The following NOL4L variants were observed in gnomAD, a reference collection of about 807,000 sequenced individuals.
The protein encoded by NOL4L is nucleolar protein 4-like.
Under a neutral mutation model 64.5 loss-of-function variants are expected in NOL4L, and 7 were observed. That is an observed-to-expected ratio of 0.11 (90% CI 0.06 to 0.20). NOL4L has a LOEUF of 0.20. Among genes scored for constraint, NOL4L ranks in the 10% least tolerant of loss-of-function variants. The pLI is 1.00. For synonymous variants in NOL4L, 413 were observed against 401.0 expected, an observed-to-expected ratio of 1.03 and a Z score of -0.36; for missense variants, 680 against 967.1, an observed-to-expected ratio of 0.70 and a Z score of 3.94.
intron 4 of NOL4L, among the ~76,000 whole-genome samples, chr20:32,484,952 A>T (rs1166014083): frequency 6.8e-6 from 1 of 146,588 alleles, no homozygotes; most frequent in Non-Finnish European, 1.5e-5. Context: ...TTCCCACCCC[A>T]CCCCTCCAAA....
At chr20:32,561,508 G>A (rs773334995) in intron 1 of NOL4L, among the ~76,000 whole-genome samples, 10 of 152,172 alleles carry the variant, frequency 6.6e-5, no homozygotes, top group Non-Finnish European at 1.3e-4. Flanking sequence ...CCTCTGGGGG[G>A]CCCAGAGCAG....
chr20:32,534,989 G>A (rs950510954), intron 1 of NOL4L, among the ~76,000 whole-genome samples: 68 of 152,032 alleles, frequency 4.5e-4, no homozygotes, highest in African/African-American at 1.2e-3. Flanking sequence ...AAGAAGCAAG[G>A]GGGAGGAGTC....
intron 1 of NOL4L, 85 bp from the exon 2 acceptor site, chr20:32,527,998 G>T: frequency 8.6e-7 from 1 of 1,158,782 alleles, no homozygotes; most frequent in Non-Finnish European, 1.2e-6. Flanking sequence ...AAGGGGTCAG[G>T]ACGGGCAATG....
At chr20:32,465,336 G>A (rs1229670302) in intron 5 of NOL4L, among the ~76,000 whole-genome samples, 1 of 151,894 alleles carries the variant, frequency 6.6e-6, no homozygotes, top group Admixed American at 6.6e-5. Context: ...CACCCAGGCC[G>A]CCCAGTGCTC....
intron 1 of NOL4L, among the ~76,000 whole-genome samples, chr20:32,542,340 C>G (rs2018669108): frequency 6.6e-6 from 1 of 152,140 alleles, no homozygotes; most frequent in Non-Finnish European, 1.5e-5. Flanking sequence ...AGCTCAAATC[C>G]TACTCCACTT....
rs1555806421 is a variant in NOL4L, at chr20:32,541,048, C to CACA, written c.322-13136_322-13135insTGT. On this transcript the variant is annotated intron_variant, in intron 1 of 10. Transcript: ENST00000621426. ...ACACACACACACACACACACACACA[C>CACA]TATTCCCTCTGGCTAGAAGGCCCTT... Among the ~76,000 whole-genome samples the CACA allele has an allele frequency of 4.0e-5, 6 of 150,572 alleles. No homozygotes were observed. The South Asian group carries it at 6.3e-4, about 16-fold the overall frequency.
At chr20:32,477,017 G>A (rs2015437659) in intron 4 of NOL4L, among the ~76,000 whole-genome samples, 1 of 152,170 alleles carries the variant, frequency 6.6e-6, no homozygotes, top group Admixed American at 6.5e-5. Context: ...GCGGGCACAC[G>A]GGGACAGAGG....
intron 1 of NOL4L, among the ~76,000 whole-genome samples, chr20:32,556,196 TC>T (rs1474982528): frequency 6.6e-6 from 1 of 151,034 alleles, no homozygotes; most frequent in African/African-American, 2.4e-5. Flanking sequence ...GTGTCTCTAT[TC>T]CCCGACCAAA....
intron 4 of NOL4L, among the ~76,000 whole-genome samples, chr20:32,494,054 A>G (rs1338090161): frequency 6.6e-6 from 1 of 152,056 alleles, no homozygotes; most frequent in Admixed American, 6.6e-5. Flanking sequence ...GGAGTTCAAG[A>G]CCAGTCTGAC....
chr20:32,538,920 T>C (rs1264365992), intron 1 of NOL4L, among the ~76,000 whole-genome samples: 1 of 151,174 alleles, frequency 6.6e-6, no homozygotes, highest in Non-Finnish European at 1.5e-5. Flanking sequence ...GCAAACGACA[T>C]GCAAACCGAG....
At chr20:32,531,924 C>T (rs1298820737) in intron 1 of NOL4L, among the ~76,000 whole-genome samples, 2 of 152,156 alleles carry the variant, frequency 1.3e-5, no homozygotes, top group Non-Finnish European at 2.9e-5. Flanking sequence ...GATGCACAGT[C>T]TTATTTAATT....
intron 1 of NOL4L, among the ~76,000 whole-genome samples, chr20:32,545,579 G>GCCA (rs1170273618): frequency 3.9e-5 from 6 of 152,090 alleles, no homozygotes; most frequent in Non-Finnish European, 8.8e-5. Context: ...CACAGCCCTG[G>GCCA]CCACCACCAC....
At chr20:32,562,939 G>A (rs2145613926) in intron 1 of NOL4L, among the ~76,000 whole-genome samples, 1 of 80,692 alleles carries the variant, frequency 1.2e-5, no homozygotes, top group Admixed American at 1.2e-4. Flanking sequence ...GGAGAAGGAG[G>A]GTGGAGGGGA....
chr20:32,559,547 A>C (rs939516777), intron 1 of NOL4L, among the ~76,000 whole-genome samples: 1 of 152,176 alleles, frequency 6.6e-6, no homozygotes, highest in Non-Finnish European at 1.5e-5. Context: ...TTGAGGTAGG[A>C]ATGTTATTAC....
At chr20:32,584,095 T>TA (rs1980710528) in intron 1 of NOL4L, among the ~76,000 whole-genome samples, 1 of 32,412 alleles carries the variant, frequency 3.1e-5, no homozygotes, top group Non-Finnish European at 6.2e-5. Flanking sequence ...CCTGCCTCCC[T>TA]CCCCCCCCCC....
Position 32,453,630 on chromosome 20 carries a change from A to G in NOL4L, c.1251T>C (p.Asn417=), listed in dbSNP as rs2013159065. Residue 417 remains asparagine, a synonymous_variant, in exon 7 of 11, where the codon AAT becomes AAC. Transcript: ENST00000621426. The surrounding 1 kb of genome is among the most constrained non-coding windows in gnomAD (Gnocchi z 5.6). ...TGCCTTCAGAGTCGTTCATCTTGTC[A>G]TTGTCCTCATGGTCATCGTGGTCAT... ...DDDDHDDHED[N]DKMNDSEGMD... is the part of the protein sequence containing the mutation. The G allele has an allele frequency of 1.2e-6, 2 of 1,610,708 alleles. No individual in the cohort carries two copies. Among genetic ancestry groups the G allele is most frequent in the African/African-American group, 1.3e-5 (1 of 74,660 alleles).
intron 1 of NOL4L, among the ~76,000 whole-genome samples, chr20:32,568,621 G>A (rs904016097): frequency 2.0e-5 from 3 of 152,204 alleles, no homozygotes; most frequent in African/African-American, 7.2e-5. Flanking sequence ...GGGCCATCCA[G>A]CCATATCTCC....
rs1978683196 is a variant in NOL4L at position 32,556,834 on chromosome 20, C to A, written c.321+27736G>T. Among the ~76,000 whole-genome samples the A allele has an allele frequency of 2.6e-5, 4 of 152,350 alleles. No individual in the cohort carries two copies. The South Asian group carries it at 6.2e-4, about 24-fold the overall frequency. Reference sequence around the variant, plus strand: ...GCCACACAACCGGTTAACAGTGGAGCCAGAGCTGGACGTGCCGGAGCCACA... The same window carrying A: ...GCCACACAACCGGTTAACAGTGGAGACAGAGCTGGACGTGCCGGAGCCACA... On this transcript the variant is annotated intron_variant, in intron 1 of 10. Transcript: ENST00000621426.
intron 1 of NOL4L, chr20:32,536,307 G>T: frequency 1.0e-6 from 1 of 985,326 alleles, no homozygotes; most frequent in African/African-American, 1.7e-5. Flanking sequence ...TCCCTCTCGG[G>T]CCGAGGAGGC....
Sources: gnomAD v4.1 joint callset for allele counts (sites outside exome capture counted in the v4.1 genomes callset) on GRCh38, gnomAD v4.1.1 for gene constraint, Gnocchi (gnomAD v3.1) non-coding constraint, MANE v1.5 for transcripts, NCBI Gene and HGNC (gene_info 2026-07-23, HGNC 2026-07-21) for gene names.